The following PEX3 variants were observed in gnomAD, a reference collection of about 807,000 sequenced individuals.
PEX3 encodes peroxin-3.
In PEX3, 30 loss-of-function variants were observed where a neutral mutation model predicts 55.8. That is an observed-to-expected ratio of 0.54 (90% CI 0.40 to 0.73). PEX3 has a LOEUF of 0.73. Ranked by LOEUF, PEX3 falls within the 30% of genes least tolerant of loss-of-function variation. The pLI is 0.00. For missense variants in PEX3, 351 were observed against 432.8 expected (o/e 0.81, Z 1.68); for synonymous variants, 135 against 148.4 (o/e 0.91, Z 0.66).
chr6:143,471,411 A>G lies in PEX3; in HGVS notation c.485A>G (p.Gln162Arg). ...ATTCTTGCTCCCCCAGATGTCCAAC[A>G]GCAGTATTTATCAAGTATTCAGCAC... is the stretch of plus-strand genomic sequence containing the variant. Reference protein sequence around the residue: ...TTILAPPDVQQQYLSSIQHLL... With the variant: ...TTILAPPDVQRQYLSSIQHLL... Residue 162 changes from glutamine to arginine, a missense_variant, in exon 6 of 12, where the codon CAG becomes CGG. By Grantham distance (43) the Gln-to-Arg change is conservative. Coordinates refer to ENST00000367591, the MANE Select transcript of PEX3 (RefSeq NM_003630.3). The surrounding 1 kb of genome is among the most constrained non-coding windows in gnomAD (Gnocchi z 5.4). 1.2e-6 allele frequency: 2 copies of G among 1,608,810 alleles called. No homozygotes were observed. The highest frequency in any genetic ancestry group is 1.7e-6 in the Non-Finnish European group (2 of 1,175,548).
intron 1 of PEX3, among the ~76,000 whole-genome samples, chr6:143,452,214 G>C (rs1583999301): frequency 6.6e-6 from 1 of 152,286 alleles, no homozygotes; most frequent in Non-Finnish European, 1.5e-5. Flanking sequence ...TTGTTGCTGA[G>C]CCAAGGATGG....
chr6:143,485,101 A>C lies in PEX3; in HGVS notation c.942-51A>C, dbSNP rs1231782147. The C allele has an allele frequency of 5.2e-6, 5 of 957,122 alleles. No homozygotes were observed. 59.3% of individuals were successfully genotyped at this position (957,122 alleles called of 1,614,324 possible). On this transcript the variant is annotated intron_variant, in intron 10 of 11. Coordinates refer to ENST00000367591, the MANE Select transcript of PEX3 (RefSeq NM_003630.3). This position sits in a 1 kb window ranked among gnomAD's most constrained non-coding sequence, Gnocchi z 5.6. ...ATTACTTTTATAATTAAGATGTTAAAGTCCTGTGGGGTCATTTCAGAAAAT... is the reference window on the plus strand; with the variant it reads ...ATTACTTTTATAATTAAGATGTTAACGTCCTGTGGGGTCATTTCAGAAAAT...
At position 143,463,291 on chromosome 6, in the gene PEX3, T is replaced by C. The variant is rs747040947; in HGVS notation, c.287+294T>C. Among the ~76,000 whole-genome samples the C allele has an allele frequency of 1.1e-4, 16 of 152,250 alleles. No homozygotes were observed. Among genetic ancestry groups the C allele is most frequent in the Non-Finnish European group, 1.9e-4 (13 of 68,038 alleles). On this transcript the variant is annotated intron_variant, in intron 3 of 11. Coordinates refer to ENST00000367591, the MANE Select transcript of PEX3 (RefSeq NM_003630.3). This position sits in a 1 kb window ranked among gnomAD's most constrained non-coding sequence, Gnocchi z 5.7. ...TTAATTATGCAGTGCTTGTGAAATG[T>C]GTTCCTGAACCAGATGCTGTGAAGC...
intron 9 of PEX3, among the ~76,000 whole-genome samples, chr6:143,477,999 A>T (rs763764377): frequency 6.6e-6 from 1 of 152,168 alleles, no homozygotes; most frequent in Non-Finnish European, 1.5e-5. Flanking sequence ...CATTATTCAC[A>T]ATAGCCAAAA....
chr6:143,484,096 G>A (rs1374716588), intron 10 of PEX3, among the ~76,000 whole-genome samples: 1 of 152,056 alleles, frequency 6.6e-6, no homozygotes, highest in Non-Finnish European at 1.5e-5. Context: ...GAAATTTTTA[G>A]TGTAGCCCTA....
rs1350979508 is a variant in PEX3 at position 143,486,578 on chromosome 6, C to A, written c.1038+1330C>A. Among the ~76,000 whole-genome samples the A allele has an allele frequency of 6.6e-6, 1 of 152,134 alleles. No individual in the cohort carries two copies. Among genetic ancestry groups the A allele is most frequent in the Non-Finnish European group, 1.5e-5 (1 of 68,008 alleles). ...AGACCATTGATTGACAAGGCTATTA[C>A]AATTATAGTTTAATTTTTTAAACTA... On this transcript the variant is annotated intron_variant, in intron 11 of 11. Transcript: ENST00000367591. The surrounding 1 kb of genome is among the most constrained non-coding windows in gnomAD (Gnocchi z 5.0).
rs1779994294 is a variant in PEX3, at chr6:143,466,547, C to T, written c.288-1575C>T. Among the ~76,000 whole-genome samples, 1 of 151,940 alleles carries T rather than the reference C, an allele frequency of 6.6e-6. No individual in the cohort carries two copies. Among genetic ancestry groups the T allele is most frequent in the South Asian group, 2.1e-4 (1 of 4,820 alleles). ...TACACTGCCTAGTTTATAAATTAAACTTTAACATAGGTATATATGTATAGG... is the reference window on the plus strand; with the variant it reads ...TACACTGCCTAGTTTATAAATTAAATTTTAACATAGGTATATATGTATAGG... On this transcript the variant is annotated intron_variant, in intron 3 of 11. Coordinates refer to ENST00000367591, the MANE Select transcript of PEX3 (RefSeq NM_003630.3). The surrounding 1 kb of genome is among the most constrained non-coding windows in gnomAD (Gnocchi z 5.4).
intron 9 of PEX3, among the ~76,000 whole-genome samples, chr6:143,478,256 C>G (rs9373393): frequency 0.32 from 47,964 of 151,846 alleles, 8,632 homozygotes; most frequent in African/African-American, 0.5. Flanking sequence ...GGGGCTAAGA[C>G]TGAGATGAGA....
At position 143,489,083 on chromosome 6, in the gene PEX3, A is replaced by G. The variant is rs1780353343; in HGVS notation, c.1039-60A>G. 1.7e-5 allele frequency: 19 copies of G among 1,124,134 alleles called. No individual in the cohort carries two copies. The highest frequency in any genetic ancestry group is 1.4e-5 in the Non-Finnish European group (10 of 735,040). The allele number at this position is 1,124,134 out of a possible 1,614,324, so 69.6% of individuals were successfully genotyped here. A position where few individuals can be genotyped will look rare whatever the true frequency, so the allele number is the denominator to read the frequency against. On this transcript the variant is annotated intron_variant, in intron 11 of 11. Coordinates refer to ENST00000367591, the MANE Select transcript of PEX3 (RefSeq NM_003630.3). This position sits in a 1 kb window ranked among gnomAD's most constrained non-coding sequence, Gnocchi z 5.5. ...CTGAATTCATCGCTTGATTGCAGAAATTAATTCAAATTAGCTATATGTTTT... is the reference window on the plus strand; with the variant it reads ...CTGAATTCATCGCTTGATTGCAGAAGTTAATTCAAATTAGCTATATGTTTT...
chr6:143,477,407 T>C lies in PEX3; in HGVS notation c.819-1669T>C, dbSNP rs151140834. On this transcript the variant is annotated intron_variant, in intron 9 of 11. Coordinates refer to ENST00000367591, the MANE Select transcript of PEX3 (RefSeq NM_003630.3). ...GATGCTCAATAAGTATTTACTGAAT[T>C]GATAGAGGGAAAAATTGATGTAGAA... Among the ~76,000 whole-genome samples, 109 of 147,612 alleles carry C rather than the reference T, an allele frequency of 7.4e-4. 1 individual carries two copies. The East Asian group carries it at 0.019, about 26-fold the overall frequency.
chr6:143,487,813 T>C lies in PEX3; in HGVS notation c.1039-1330T>C, dbSNP rs988278623. Among the ~76,000 whole-genome samples the C allele has an allele frequency of 1.3e-5, 2 of 152,098 alleles. No homozygotes were observed. Among genetic ancestry groups the C allele is most frequent in the Non-Finnish European group, 2.9e-5 (2 of 67,984 alleles). Reference sequence around the variant, plus strand: ...GATTTGGTCTTCATTTGAAAGATTTTCTGCCTCTGTTCTTCTCTCATTAGC... The same window carrying C: ...GATTTGGTCTTCATTTGAAAGATTTCCTGCCTCTGTTCTTCTCTCATTAGC... On this transcript the variant is annotated intron_variant, in intron 11 of 11. Coordinates refer to ENST00000367591, the MANE Select transcript of PEX3 (RefSeq NM_003630.3). The surrounding 1 kb of genome is among the most constrained non-coding windows in gnomAD (Gnocchi z 5.3).
rs1021097055 is a variant in PEX3 at position 143,450,863 on chromosome 6, T to C, written c.-180T>C. ...AGAAAGCGTAGCTGCTTTGCTGTAG[T>C]CCACGCCCCCTTGCCGCTCCGGTGA... is the stretch of plus-strand genomic sequence containing the variant. On this transcript the variant is annotated 5_prime_UTR_variant, in exon 1 of 12. Coordinates refer to ENST00000367591, the MANE Select transcript of PEX3 (RefSeq NM_003630.3). 19 of 771,022 alleles carry C rather than the reference T, an allele frequency of 2.5e-5. No individual in the cohort carries two copies. In the Admixed American group the frequency reaches 3.6e-4, roughly 14 times the overall value. 47.8% of individuals were successfully genotyped at this position (771,022 alleles called of 1,614,324 possible).
rs1314676006 is a variant in PEX3, at chr6:143,453,716, A to G, written c.73+2601A>G. On this transcript the variant is annotated intron_variant, in intron 1 of 11. Transcript: ENST00000367591. The surrounding 1 kb of genome is among the most constrained non-coding windows in gnomAD (Gnocchi z 4.6). ...CTCAGCCTCCCAAGTAGCTAGGACC[A>G]CAGGTGTGCACCATCATGCTTGGCT... Among the ~76,000 whole-genome samples the G allele has an allele frequency of 6.6e-6, 1 of 152,146 alleles. No homozygotes were observed. Among genetic ancestry groups the G allele is most frequent in the Admixed American group, 6.5e-5 (1 of 15,280 alleles).
intron 4 of PEX3, among the ~76,000 whole-genome samples, chr6:143,468,801 T>TCCC (rs775693906): frequency 0.036 from 446 of 12,424 alleles, 3 homozygotes; most frequent in South Asian, 0.073. Flanking sequence ...CCTAATGCTA[T>TCCC]CCCCCCCCCC....
chr6:143,471,136 A>G lies in PEX3; in HGVS notation c.456+51A>G. The G allele has an allele frequency of 6.6e-7, 1 of 1,511,330 alleles. No homozygotes were observed. The highest frequency in any genetic ancestry group is 9.2e-7 in the Non-Finnish European group (1 of 1,087,426). The allele number at this position is 1,511,330 out of a possible 1,614,324, so 93.6% of individuals were successfully genotyped here. A position where few individuals can be genotyped will look rare whatever the true frequency, so the allele number is the denominator to read the frequency against. On this transcript the variant is annotated intron_variant, in intron 5 of 11. Coordinates refer to ENST00000367591, the MANE Select transcript of PEX3 (RefSeq NM_003630.3). The surrounding 1 kb of genome is among the most constrained non-coding windows in gnomAD (Gnocchi z 5.4). ...ATTGTTCTTTCCCTCAGGAGGTTCA[A>G]AGTTTAACTTATTTATCCTGATAAC...
Position 143,454,412 on chromosome 6 carries a change from T to A in PEX3, c.73+3297T>A, listed in dbSNP as rs1779815473. Among the ~76,000 whole-genome samples, 1 of 152,222 alleles carries A rather than the reference T, an allele frequency of 6.6e-6. No homozygotes were observed. The highest frequency in any genetic ancestry group is 6.5e-5 in the Admixed American group (1 of 15,286). ...TTTGGAGAACAGAGAGCAACCAGAT[T>A]GATATTTATTGACTTACTGGTTTCT... On this transcript the variant is annotated intron_variant, in intron 1 of 11. Coordinates refer to ENST00000367591, the MANE Select transcript of PEX3 (RefSeq NM_003630.3). This position sits in a 1 kb window ranked among gnomAD's most constrained non-coding sequence, Gnocchi z 4.3.
chr6:143,479,329 C>T lies in PEX3; in HGVS notation c.941+131C>T. The T allele has an allele frequency of 1.5e-6, 1 of 686,056 alleles. No individual in the cohort carries two copies. Among genetic ancestry groups the T allele is most frequent in the Non-Finnish European group, 2.6e-6 (1 of 386,280 alleles). 42.5% of individuals were successfully genotyped at this position (686,056 alleles called of 1,614,324 possible). ...GCCTCATTTTTTAACAAATTAAACT[C>T]TGTTAAACCAACAACTTCTTCACTA... On this transcript the variant is annotated intron_variant, in intron 10 of 11. Coordinates refer to ENST00000367591, the MANE Select transcript of PEX3 (RefSeq NM_003630.3). This position sits in a 1 kb window ranked among gnomAD's most constrained non-coding sequence, Gnocchi z 4.6.
rs979786034 is a variant in PEX3 at position 143,479,258 on chromosome 6, T to G, written c.941+60T>G. The stretch of plus-strand genomic sequence containing the variant: ...TGCTCTAAAAAAATGGTGCTTTGCT[T>G]GTCTTTTTGTTCCAGATAACAACAA... On this transcript the variant is annotated intron_variant, in intron 10 of 11. Transcript: ENST00000367591. The surrounding 1 kb of genome is among the most constrained non-coding windows in gnomAD (Gnocchi z 4.6). The G allele has an allele frequency of 3.3e-5, 43 of 1,322,666 alleles. No individual in the cohort carries two copies. The highest frequency in any genetic ancestry group is 4.6e-5 in the Non-Finnish European group (42 of 917,194). The allele number at this position is 1,322,666 out of a possible 1,614,324, so 81.9% of individuals were successfully genotyped here. A position where few individuals can be genotyped will look rare whatever the true frequency, so the allele number is the denominator to read the frequency against.
At position 143,462,782 on chromosome 6, in the gene PEX3, C is replaced by T. The variant is rs968449056; in HGVS notation, c.206-134C>T. 1.2e-5 allele frequency: 8 copies of T among 644,106 alleles called. No homozygotes were observed. The highest frequency in any genetic ancestry group is 5.3e-5 in the Admixed American group (2 of 37,792). 39.9% of individuals were successfully genotyped at this position (644,106 alleles called of 1,614,324 possible). ...TTATAATAATAATAATAATTTGAATCGTCTAGCCCTGACTTTCCCTTCTGA... is the reference window on the plus strand; with the variant it reads ...TTATAATAATAATAATAATTTGAATTGTCTAGCCCTGACTTTCCCTTCTGA... On this transcript the variant is annotated intron_variant, in intron 2 of 11. Transcript: ENST00000367591. This position sits in a 1 kb window ranked among gnomAD's most constrained non-coding sequence, Gnocchi z 4.1.
Sources: allele counts gnomAD v4.1 joint callset (sites outside exome capture counted in the v4.1 genomes callset), GRCh38; gene constraint gnomAD v4.1.1; non-coding constraint Gnocchi (gnomAD v3.1); transcripts MANE v1.5; gene names NCBI Gene and HGNC (gene_info 2026-07-23, HGNC 2026-07-21).